Variants in SYT2 observed in about 807,000 individuals in gnomAD.
SYT2 encodes synaptotagmin 2.
In SYT2, 15 loss-of-function variants were observed where a neutral mutation model predicts 39.9. That is an observed-to-expected ratio of 0.38 (90% confidence interval 0.25 to 0.58). The LOEUF (loss-of-function observed/expected upper bound fraction) is 0.58, where lower values mean the gene tolerates loss of function less well. SYT2 is among the 20% of genes least tolerant of loss of function. The pLI, the probability that SYT2 is intolerant of heterozygous loss-of-function variation, is 0.70. For missense variants in SYT2, 389 were observed against 530.3 expected, an observed-to-expected ratio of 0.73 and a Z score of 2.62; for synonymous variants, 181 against 204.5, an observed-to-expected ratio of 0.89 and a Z score of 0.98.
chr1:202,706,046 G>C (rs901008257), intron 1 of SYT2, among the ~76,000 whole-genome samples: 1 of 151,994 alleles, frequency 6.6e-6, no homozygotes, highest in African/African-American at 2.4e-5. Flanking sequence ...AGGGGAGGGG[G>C]CTGGCAGCTA....
At chr1:202,697,260 T>C (rs1166427462) in intron 1 of SYT2, among the ~76,000 whole-genome samples, 1 of 152,254 alleles carries the variant, frequency 6.6e-6, no homozygotes, top group Non-Finnish European at 1.5e-5. Flanking sequence ...GGAGCAGTCC[T>C]GAGCCCAGCC....
At chr1:202,674,768 G>A (rs368269969) in intron 1 of SYT2, among the ~76,000 whole-genome samples, 13 of 152,128 alleles carry the variant, frequency 8.5e-5, no homozygotes, top group East Asian at 5.8e-4. Context: ...TTCACTGGCC[G>A]CAGCTCTGCT....
chr1:202,697,887 A>G (rs1654013635), intron 1 of SYT2, among the ~76,000 whole-genome samples: 1 of 152,232 alleles, frequency 6.6e-6, no homozygotes, highest in Non-Finnish European at 1.5e-5. Context: ...TACCCTAGGA[A>G]GACTGCTCCA....
At chr1:202,679,507 C>T (rs1465744593) in intron 1 of SYT2, among the ~76,000 whole-genome samples, 1 of 152,188 alleles carries the variant, frequency 6.6e-6, no homozygotes, top group Admixed American at 6.5e-5. Flanking sequence ...CTTCCTTTTG[C>T]TTTATCTCCC....
chr1:202,602,644 G>A, intron 4 of SYT2, 99 bp from the exon 5 acceptor site: 1 of 1,207,690 alleles, frequency 8.3e-7, no homozygotes, highest in Non-Finnish European at 1.2e-6. Context: ...TCCCAGAGGA[G>A]GCAGTTGGGG....
chr1:202,656,548 C>A (rs1692279498), intron 1 of SYT2, among the ~76,000 whole-genome samples: 1 of 152,176 alleles, frequency 6.6e-6, no homozygotes, highest in Admixed American at 6.5e-5. Flanking sequence ...GTGTCTTTAA[C>A]CTCTCTAAGG....
intron 1 of SYT2, among the ~76,000 whole-genome samples, chr1:202,688,802 G>A (rs1653739218): frequency 1.3e-5 from 2 of 152,214 alleles, no homozygotes; most frequent in Non-Finnish European, 2.9e-5. Flanking sequence ...GGGTCTTTTA[G>A]AACTGGTGAG....
intron 1 of SYT2, among the ~76,000 whole-genome samples, chr1:202,688,294 G>A (rs1558462210): frequency 6.6e-6 from 1 of 152,208 alleles, no homozygotes; most frequent in Non-Finnish European, 1.5e-5. Flanking sequence ...TGAAATGAGA[G>A]GATATGGGGA....
At chr1:202,686,687 ATTC>A (rs2149115151) in intron 1 of SYT2, among the ~76,000 whole-genome samples, 1 of 151,808 alleles carries the variant, frequency 6.6e-6, no homozygotes, top group South Asian at 2.1e-4. Flanking sequence ...ACCCTCTGTC[ATTC>A]CTACGTCATT....
intron 1 of SYT2, among the ~76,000 whole-genome samples, chr1:202,609,455 A>G (rs928921839): frequency 2.4e-4 from 36 of 152,234 alleles, no homozygotes; most frequent in Admixed American, 6.5e-5. Context: ...TAGACCCCTG[A>G]GGAATCGCCA....
In SYT2 at chr1:202,592,749, G is replaced by C. The variant is rs1690169806; in HGVS notation, c.*4008C>G. The C allele has an allele frequency of 6.6e-6, 1 of 152,192 alleles. No homozygotes were observed. The highest frequency in any genetic ancestry group is 1.9e-4 in the East Asian group (1 of 5,200). 9.4% of individuals were successfully genotyped at this position (152,192 alleles called of 1,614,324 possible). A position where few individuals can be genotyped will look rare whatever the true frequency, so the allele number is the denominator to read the frequency against. On this transcript the variant is annotated 3_prime_UTR_variant, in exon 9 of 9. Transcript: ENST00000367268. ...TATTGCAGTTCAAAAAACTGGTTAA[G>C]TCAAATCCTTGGGGTTCCTGGCCCC...
At chr1:202,669,614 C>T (rs1267108437) in intron 1 of SYT2, among the ~76,000 whole-genome samples, 1 of 151,660 alleles carries the variant, frequency 6.6e-6, no homozygotes, top group Non-Finnish European at 1.5e-5. Flanking sequence ...ATTAAATTAG[C>T]TGGGCCTAGT....
At chr1:202,692,759 T>C (rs1480133619) in intron 1 of SYT2, among the ~76,000 whole-genome samples, 1 of 152,098 alleles carries the variant, frequency 6.6e-6, no homozygotes, top group East Asian at 1.9e-4. Flanking sequence ...AGCTTCTACC[T>C]CCAAAATTGG....
intron 1 of SYT2, among the ~76,000 whole-genome samples, chr1:202,693,419 G>A (rs1480915873): frequency 6.6e-6 from 1 of 152,148 alleles, no homozygotes; most frequent in Non-Finnish European, 1.5e-5. Flanking sequence ...CTGCATCTGG[G>A]CATGACCACC....
chr1:202,688,512 G>A (rs554532865), intron 1 of SYT2, among the ~76,000 whole-genome samples: 1 of 152,340 alleles, frequency 6.6e-6, no homozygotes, highest in African/African-American at 2.4e-5. Context: ...GGAGAAATGT[G>A]TCAAGTTGGA....
intron 1 of SYT2, among the ~76,000 whole-genome samples, chr1:202,631,412 G>A (rs1367863419): frequency 6.6e-6 from 1 of 152,204 alleles, no homozygotes; most frequent in Non-Finnish European, 1.5e-5. Flanking sequence ...ATGTTCTGCT[G>A]CAGGTTCACT....
At chr1:202,684,966 A>C (rs1424434413) in intron 1 of SYT2, among the ~76,000 whole-genome samples, 1 of 152,194 alleles carries the variant, frequency 6.6e-6, no homozygotes, top group Admixed American at 6.5e-5. Flanking sequence ...TCTGTGCAGC[A>C]GTGGGCTGTG....
chr1:202,644,872 CGAA>C (rs34623665), intron 1 of SYT2, among the ~76,000 whole-genome samples: 14,191 of 152,146 alleles, frequency 0.093, 940 homozygotes, highest in East Asian at 0.32. Flanking sequence ...ACCTCACTCC[CGAA>C]GAAGCCGGGG....
rs544299931 is a variant in SYT2 at position 202,618,272 on chromosome 1, C to T, written c.-17-12483G>A. On this transcript the variant is annotated intron_variant, in intron 1 of 8. Coordinates refer to ENST00000367268, the MANE Select transcript of SYT2 (RefSeq NM_177402.5). Reference sequence around the variant, plus strand: ...GGAAGTGGCCTTCCCAGGGTCCCCCCGTGCAGTACAGGCTGGCTCTGGGCC... The same window carrying T: ...GGAAGTGGCCTTCCCAGGGTCCCCCTGTGCAGTACAGGCTGGCTCTGGGCC... 3.9e-5 allele frequency among the ~76,000 whole-genome samples: 6 copies of T among 152,220 alleles called. No individual in the cohort carries two copies. The South Asian group carries it at 6.2e-4, about 16-fold the overall frequency.
Sources: allele counts gnomAD v4.1 joint callset (sites outside exome capture counted in the v4.1 genomes callset), GRCh38; gene constraint gnomAD v4.1.1; transcripts MANE v1.5; gene names NCBI Gene and HGNC (gene_info 2026-07-23, HGNC 2026-07-21).